Variants in ABI3BP observed in about 807,000 individuals in gnomAD.
ABI3BP encodes the protein ABI family member 3 binding protein, also known as target of Nesh-SH3.
In ABI3BP, 216 loss-of-function variants were observed where a neutral mutation model predicts 268.6. The ratio of observed to expected loss-of-function variants is 0.80; its 90% confidence interval spans 0.72 to 0.90. The LOEUF (loss-of-function observed/expected upper bound fraction) is 0.90. Among genes scored for constraint, ABI3BP ranks in the 40% least tolerant of loss-of-function variants. ABI3BP has a pLI of 0.00. For synonymous variants in ABI3BP, 730 were observed against 730.0 expected (o/e 1.00, Z 0.00); for missense variants, 2,090 against 2,182.4 (o/e 0.96, Z 0.84).
intron 16 of ABI3BP, 106 bp from the exon 17 acceptor site, chr3:100,850,225 A>G (rs79603980): frequency 0.042 from 38,525 of 917,334 alleles, 1,220 homozygotes; most frequent in South Asian, 0.11. Flanking sequence ...CCACGAGTAC[A>G]TGATTAAAGA....
Position 100,789,449 on chromosome 3 carries a change from CT to C in ABI3BP, c.4087+4del, listed in dbSNP as rs1560112318. The C allele has an allele frequency of 5.0e-6, 8 of 1,597,446 alleles. No individual in the cohort carries two copies. The highest frequency in any genetic ancestry group is 1.1e-5 in the South Asian group (1 of 88,032). On this transcript the variant is annotated splice_donor_region_variant and intron_variant, in intron 56 of 67. Coordinates refer to ENST00000471714, the MANE Select transcript of ABI3BP (RefSeq NM_001375547.2). ...ATTATTTAAGTCATCAGAGAAACAACTTACCAGGTCTGATGTGTGGCTTGTC... is the reference window on the plus strand; with the variant it reads ...ATTATTTAAGTCATCAGAGAAACAACTACCAGGTCTGATGTGTGGCTTGTC...
intron 2 of ABI3BP, among the ~76,000 whole-genome samples, chr3:100,903,552 C>T (rs1007904714): frequency 6.6e-6 from 1 of 152,192 alleles, no homozygotes; most frequent in Non-Finnish European, 1.5e-5. Flanking sequence ...CTCTGAAACT[C>T]GTTCTATAAG....
intron 14 of ABI3BP, among the ~76,000 whole-genome samples, chr3:100,852,712 A>C (rs1409269000): frequency 6.6e-6 from 1 of 152,194 alleles, no homozygotes; most frequent in Non-Finnish European, 1.5e-5. Context: ...GTGCTTCTCC[A>C]TACAGCCATG....
Position 100,813,691 on chromosome 3 carries a change from G to A in ABI3BP, c.3334C>T (p.Pro1112Ser). Reference protein sequence around the residue: ...QTLILKPVTSPSLEMTESQPV... With the variant: ...QTLILKPVTSSSLEMTESQPV... ...TGACTTTCTGTCATTTCTAGGCTTG[G>A]TGATGTCACTGGTTTCAAAATAAGA... The change falls in exon 45 of 68, where the codon CCA becomes TCA. Residue 1112 changes from proline to serine, a missense_variant. Transcript: ENST00000471714. 1.3e-6 allele frequency: 2 copies of A among 1,535,378 alleles called. No homozygotes were observed. The highest frequency in any genetic ancestry group is 2.4e-5 in the East Asian group (1 of 40,870).
At chr3:100,913,831 G>A (rs1216955968) in intron 2 of ABI3BP, among the ~76,000 whole-genome samples, 3 of 152,118 alleles carry the variant, frequency 2.0e-5, no homozygotes, top group Non-Finnish European at 4.4e-5. Context: ...CCTGAAGAAA[G>A]CTATAAGAGG....
intron 49 of ABI3BP, 80 bp downstream of exon 49, chr3:100,810,332 G>C: frequency 2.5e-6 from 3 of 1,215,686 alleles, no homozygotes; most frequent in Non-Finnish European, 3.5e-6. Flanking sequence ...TGAAGTCAGG[G>C]CCTCTGATAT....
chr3:100,854,001 A>C (rs1170871321), intron 14 of ABI3BP, among the ~76,000 whole-genome samples: 1 of 152,206 alleles, frequency 6.6e-6, no homozygotes, highest in Non-Finnish European at 1.5e-5. Context: ...GTCAGCTTTA[A>C]GCAGCACACC....
Position 100,864,012 on chromosome 3 carries a change from C to G in ABI3BP, c.1128G>C (p.Leu376=). 2 of 1,533,224 alleles carry G rather than the reference C, an allele frequency of 1.3e-6. No homozygotes were observed. Among genetic ancestry groups the G allele is most frequent in the Non-Finnish European group, 1.7e-6 (2 of 1,144,196 alleles). 95.0% of individuals were successfully genotyped at this position (1,533,224 alleles called of 1,614,324 possible). The change falls in exon 12 of 68, where the codon CTG becomes CTC. Residue 376 remains leucine (L), a synonymous_variant. Coordinates refer to ENST00000471714, the MANE Select transcript of ABI3BP (RefSeq NM_001375547.2). The part of the protein sequence containing the change: ...TILIPQFELP[L]STLAPKSLPE... The stretch of plus-strand genomic sequence containing the variant: ...TTTATTATTTTTTACCTAGAGTGCT[C>G]AGTGGCAATTCAAACTGAGGTATTA...
rs2152496266 is a variant in ABI3BP at position 100,811,727 on chromosome 3, C to T, written c.3493+1G>A. The T allele has an allele frequency of 6.5e-7, 1 of 1,534,946 alleles. No individual in the cohort carries two copies. On this transcript the variant is annotated splice_donor_variant, in intron 47 of 67. Coordinates refer to ENST00000471714, the MANE Select transcript of ABI3BP (RefSeq NM_001375547.2). LOFTEE classifies it high-confidence loss of function. Reference sequence around the variant, plus strand: ...AATCAAAGCATTAAAACCTTTGCTACCTTCAGTCTTTGGCTCCTCTGGCCA... The same window carrying T: ...AATCAAAGCATTAAAACCTTTGCTATCTTCAGTCTTTGGCTCCTCTGGCCA...
At chr3:100,986,025 T>G (rs950439902) in intron 1 of ABI3BP, among the ~76,000 whole-genome samples, 1 of 152,212 alleles carries the variant, frequency 6.6e-6, no homozygotes, top group Non-Finnish European at 1.5e-5. Flanking sequence ...TTCTAACCAG[T>G]AGAATATGGC....
intron 2 of ABI3BP, among the ~76,000 whole-genome samples, chr3:100,903,657 G>A (rs1481466001): frequency 2.0e-5 from 3 of 152,190 alleles, no homozygotes; most frequent in East Asian, 1.9e-4. Context: ...GGGTTCAAAT[G>A]TCTCCCCTCC....
At position 100,861,134 on chromosome 3, in the gene ABI3BP, T is replaced by C. The variant is rs140916569; in HGVS notation, c.1285+1177A>G. Among the ~76,000 whole-genome samples, 615 of 152,292 alleles carry C rather than the reference T, an allele frequency of 4.0e-3. 6 individuals are homozygous for C. The highest frequency in any genetic ancestry group is 0.014 in the African/African-American group (593 of 41,558). On this transcript the variant is annotated intron_variant, in intron 14 of 67. Transcript: ENST00000471714. ...GTGACTAGGGAAACCAAGACTTAGA[T>C]ACAGTTTGAGGCTTCTCTGGATAAG...
intron 63 of ABI3BP, among the ~76,000 whole-genome samples, chr3:100,761,435 G>A (rs2095940294): frequency 6.6e-6 from 1 of 152,088 alleles, no homozygotes; most frequent in Non-Finnish European, 1.5e-5. Context: ...CACCTTTGGA[G>A]CTGCACCCAG....
At chr3:100,839,966 C>T in intron 23 of ABI3BP, 106 bp downstream of exon 23, 1 of 888,748 alleles carries the variant, frequency 1.1e-6, no homozygotes, top group South Asian at 1.5e-5. Context: ...TTATAAAAGT[C>T]AATTCCACTG....
chr3:100,833,280 C>A, intron 29 of ABI3BP, 123 bp from the exon 30 acceptor site: 1 of 867,686 alleles, frequency 1.2e-6, no homozygotes, highest in Non-Finnish European at 1.7e-6. Flanking sequence ...AGCCACAAAG[C>A]AAACATTTTG....
chr3:100,862,230 C>T (rs1460375698), intron 14 of ABI3BP, 81 bp downstream of exon 14: 35 of 911,186 alleles, frequency 3.8e-5, no homozygotes, highest in Non-Finnish European at 6.7e-6. Flanking sequence ...TAATGATAAT[C>T]AATTAAGGAA....
chr3:100,944,561 G>C (rs1190749658), intron 1 of ABI3BP, among the ~76,000 whole-genome samples: 2 of 152,102 alleles, frequency 1.3e-5, no homozygotes, highest in Admixed American at 6.6e-5. Context: ...TGAAAATCTT[G>C]CCATCTTGCA....
intron 15 of ABI3BP, 64 bp from the exon 16 acceptor site, chr3:100,850,798 C>A (rs2098829012): frequency 2.4e-6 from 3 of 1,267,510 alleles, no homozygotes; most frequent in East Asian, 4.6e-5. Flanking sequence ...AATACAAATT[C>A]ATGAGTAATA....
intron 4 of ABI3BP, among the ~76,000 whole-genome samples, chr3:100,889,467 T>C (rs142871243): frequency 0.03 from 4,568 of 152,300 alleles, 137 homozygotes; most frequent in Admixed American, 0.083. Flanking sequence ...GAAGGCTTTT[T>C]AGTTTTTGTT....
Sources: gnomAD v4.1 joint callset for allele counts (sites outside exome capture counted in the v4.1 genomes callset) on GRCh38, gnomAD v4.1.1 for gene constraint, MANE v1.5 for transcripts, NCBI Gene and HGNC (gene_info 2026-07-23, HGNC 2026-07-21) for gene names.